Variants in DPP6 observed in about 807,000 individuals in gnomAD.
DPP6 encodes A-type potassium channel modulatory protein DPP6.
A neutral mutation model predicts 122.6 loss-of-function variants in DPP6; 69 were observed. The observed-to-expected ratio is 0.56, with a 90% CI of 0.46 to 0.69. The LOEUF is 0.69. Ranked by LOEUF, DPP6 falls within the 30% of genes least tolerant of loss-of-function variation. The probability of loss-of-function intolerance (pLI) is 0.00; values close to 1 mark genes in which losing one functional copy is unlikely to be tolerated. For synonymous variants in DPP6, 418 were observed against 433.1 expected (o/e 0.97, Z 0.43); for missense variants, 928 against 1,116.9 (o/e 0.83, Z 2.41).
intron 1 of DPP6, among the ~76,000 whole-genome samples, chr7:154,372,338 A>G (rs1472690802): frequency 1.3e-5 from 2 of 152,128 alleles, no homozygotes; most frequent in Admixed American, 6.5e-5. Flanking sequence ...ATTGCAGAGC[A>G]TGGATTTTCT....
At chr7:154,800,589 TG>T in intron 12 of DPP6, among the ~76,000 whole-genome samples, 1 of 152,306 alleles carries the variant, frequency 6.6e-6, no homozygotes, top group Admixed American at 6.5e-5. Context: ...GCAGAGATGG[TG>T]GCGACACCTG....
intron 8 of DPP6, among the ~76,000 whole-genome samples, chr7:154,744,624 CTTT>C (rs1403803997): frequency 6.6e-6 from 1 of 152,182 alleles, no homozygotes; most frequent in Non-Finnish European, 1.5e-5. Flanking sequence ...TCGCTGATTT[CTTT>C]TTTAACCCCC....
intron 2 of DPP6, among the ~76,000 whole-genome samples, chr7:154,464,376 A>G (rs1295628479): frequency 6.6e-6 from 1 of 152,226 alleles, no homozygotes; most frequent in Non-Finnish European, 1.5e-5. Flanking sequence ...CTTCAGTGCT[A>G]CTTCAGTGAT....
intron 1 of DPP6, among the ~76,000 whole-genome samples, chr7:154,392,759 C>T (rs765549738): frequency 2.0e-5 from 3 of 152,170 alleles, no homozygotes; most frequent in African/African-American, 2.4e-5. Context: ...CCCCAGGAGG[C>T]ACAAGGTTAT....
intron 1 of DPP6, among the ~76,000 whole-genome samples, chr7:154,420,122 A>T (rs2151225050): frequency 6.6e-6 from 1 of 152,324 alleles, no homozygotes; most frequent in East Asian, 1.9e-4. Flanking sequence ...GGACCACCTG[A>T]GGTCAGGAGT....
At chr7:153,993,462 A>G (rs1257882786) in intron 1 of DPP6, among the ~76,000 whole-genome samples, 2 of 152,280 alleles carry the variant, frequency 1.3e-5, no homozygotes, top group African/African-American at 2.4e-5. Context: ...AAGATACTTT[A>G]AATTATATTC....
intron 7 of DPP6, among the ~76,000 whole-genome samples, chr7:154,716,685 AAG>A (rs1339279437): frequency 7.4e-6 from 1 of 134,362 alleles, no homozygotes; most frequent in East Asian, 2.1e-4. Context: ...TTTACTCAAA[AAG>A]AGAGCATTTT....
rs367595257 is a variant in DPP6 at position 154,209,529 on chromosome 7, G to C, written c.243+156466G>C. 1.6e-4 allele frequency among the ~76,000 whole-genome samples: 22 copies of C among 135,220 alleles called. 1 individual carries two copies. Among genetic ancestry groups the C allele is most frequent in the African/African-American group, 6.2e-4 (22 of 35,218 alleles). 88.7% of individuals were successfully genotyped at this position (135,220 alleles called of 152,430 possible). On this transcript the variant is annotated intron_variant, in intron 1 of 25. Coordinates refer to ENST00000377770, the MANE Select transcript of DPP6 (RefSeq NM_130797.4). ...AAATCTAGTAACTCTCAGCTATTGT[G>C]AACAAGTTGAAGTTAAAAAAAAAAA...
At chr7:154,630,355 CGTG>C (rs1835330648) in intron 5 of DPP6, among the ~76,000 whole-genome samples, 1 of 152,148 alleles carries the variant, frequency 6.6e-6, no homozygotes, top group Admixed American at 6.5e-5. Flanking sequence ...GGGTAGAAAA[CGTG>C]GTGTAAATTT....
intron 1 of DPP6, among the ~76,000 whole-genome samples, chr7:154,159,690 A>G (rs537062575): frequency 6.6e-5 from 10 of 152,428 alleles, no homozygotes; most frequent in Admixed American, 6.5e-4. Flanking sequence ...GGCACTGCCT[A>G]AAAAGCCCAT....
At chr7:154,205,647 T>C (rs1011538379) in intron 1 of DPP6, among the ~76,000 whole-genome samples, 1 of 152,092 alleles carries the variant, frequency 6.6e-6, no homozygotes, top group East Asian at 1.9e-4. Flanking sequence ...GGATCACCCA[T>C]GGCACAGCCT....
chr7:154,588,322 G>A, intron 5 of DPP6: 1 of 616,756 alleles, frequency 1.6e-6, no homozygotes, highest in Non-Finnish European at 2.6e-6. Context: ...AAGGAGACTG[G>A]CTCTCCTGGA....
chr7:153,771,583 A>T, the DPP6 span, among the ~76,000 whole-genome samples: 2 of 152,020 alleles, frequency 1.3e-5, no homozygotes, highest in Non-Finnish European at 2.9e-5. Flanking sequence ...GAAGTGATCC[A>T]CCTGCCTCGG....
intron 1 of DPP6, among the ~76,000 whole-genome samples, chr7:154,324,739 C>T (rs1808275660): frequency 6.6e-6 from 1 of 152,212 alleles, no homozygotes; most frequent in Admixed American, 6.5e-5. Flanking sequence ...CTGACCTGAC[C>T]TGCAGCCTCA....
chr7:153,756,103 A>C, the DPP6 span, among the ~76,000 whole-genome samples: 1 of 152,004 alleles, frequency 6.6e-6, no homozygotes, highest in Non-Finnish European at 1.5e-5. Context: ...TGCAGGTACC[A>C]TTCTCCAGCT....
chr7:153,868,610 AT>A, the DPP6 span, among the ~76,000 whole-genome samples: 1 of 151,872 alleles, frequency 6.6e-6, no homozygotes, highest in Non-Finnish European at 1.5e-5. Context: ...CAGCTCCTGG[AT>A]TCATTGATTT....
At chr7:154,197,593 A>G (rs2150778242) in intron 1 of DPP6, among the ~76,000 whole-genome samples, 1 of 152,188 alleles carries the variant, frequency 6.6e-6, no homozygotes, top group Admixed American at 6.5e-5. Context: ...TCTGTTCTCC[A>G]CTTTCCACTC....
chr7:154,553,446 T>G (rs1287705623), intron 4 of DPP6, among the ~76,000 whole-genome samples: 1 of 152,212 alleles, frequency 6.6e-6, no homozygotes, highest in African/African-American at 2.4e-5. Flanking sequence ...GCAGAGTTCA[T>G]TAACTAATAG....
At chr7:153,964,847 T>C (rs2129029967) in intron 1 of DPP6, among the ~76,000 whole-genome samples, 1 of 132,526 alleles carries the variant, frequency 7.5e-6, no homozygotes, top group Non-Finnish European at 1.5e-5. Flanking sequence ...TCCTTTTCCT[T>C]TTCCTTTTCC....
Sources: gnomAD v4.1 joint callset for allele counts (sites outside exome capture counted in the v4.1 genomes callset) on GRCh38, gnomAD v4.1.1 for gene constraint, MANE v1.5 for transcripts, NCBI Gene and HGNC (gene_info 2026-07-23, HGNC 2026-07-21) for gene names.